The following ZBTB10 variants were observed in gnomAD, a reference collection of about 807,000 sequenced individuals.
The protein encoded by ZBTB10 is zinc finger and BTB domain-containing protein 10.
ZBTB10 carries 32 observed loss-of-function variants against 76.4 expected under a neutral mutation model. The ratio of observed to expected loss-of-function variants is 0.42; its 90% confidence interval spans 0.32 to 0.56. The LOEUF is 0.56. Ranked by LOEUF, ZBTB10 falls within the 20% of genes least tolerant of loss-of-function variation. ZBTB10 has a pLI of 0.14. For missense variants in ZBTB10, 1,057 were observed against 1,098.5 expected (o/e 0.96, Z 0.53); for synonymous variants, 523 against 432.9 (o/e 1.21, Z -2.58).
chr8:80,495,463 C>A (rs1815759313), intron 1 of ZBTB10, among the ~76,000 whole-genome samples: 1 of 151,158 alleles, frequency 6.6e-6, no homozygotes. Context: ...TGCTCATCCA[C>A]CCATCCCACT....
intron 2 of ZBTB10, among the ~76,000 whole-genome samples, chr8:80,505,356 T>C (rs272617): frequency 0.45 from 67,897 of 152,042 alleles, 19,605 homozygotes; most frequent in African/African-American, 0.83. Flanking sequence ...ACAGTTTCCT[T>C]AGATGTTTTC....
intron 2 of ZBTB10, among the ~76,000 whole-genome samples, chr8:80,502,738 TAAAAA>T (rs33919475): frequency 2.1e-5 from 3 of 145,084 alleles, no homozygotes; most frequent in Non-Finnish European, 4.6e-5. Flanking sequence ...GCTAAAACAG[TAAAAA>T]AAAAAAAGAC....
chr8:80,519,684 AT>A lies in ZBTB10; in HGVS notation c.*165del, dbSNP rs1038774465. 148 of 785,326 alleles carry A rather than the reference AT, an allele frequency of 1.9e-4. No homozygotes were observed. Among genetic ancestry groups the A allele is most frequent in the Middle Eastern group, 3.0e-4 (1 of 3,356 alleles). 48.6% of individuals were successfully genotyped at this position (785,326 alleles called of 1,614,324 possible). On this transcript the variant is annotated 3_prime_UTR_variant, in exon 6 of 6. Transcript: ENST00000455036. ...GGGTCAAAGCCTTATAGCAAAAAAA[AT>A]TTTTTTTTATATTTGCACAGGACTA...
intron 1 of ZBTB10, among the ~76,000 whole-genome samples, chr8:80,495,147 T>A (rs1275640028): frequency 6.6e-6 from 1 of 151,616 alleles, no homozygotes; most frequent in Non-Finnish European, 1.5e-5. Flanking sequence ...TTTTTTTTTT[T>A]TTTAAGGAGA....
intron 1 of ZBTB10, 51 bp downstream of exon 1, chr8:80,487,833 A>G: frequency 4.6e-6 from 7 of 1,507,590 alleles, no homozygotes; most frequent in Non-Finnish European, 5.3e-6. Flanking sequence ...GGAAAGGTTT[A>G]TCAGCACTCC....
chr8:80,492,634 A>G (rs1278507108), intron 1 of ZBTB10, among the ~76,000 whole-genome samples: 2 of 151,950 alleles, frequency 1.3e-5, no homozygotes, highest in African/African-American at 4.8e-5. Flanking sequence ...ACATGCCACC[A>G]TGCTAGGCTA....
rs372130919 is a variant in ZBTB10 at position 80,522,797 on chromosome 8, G to C, written c.*3269G>C. On this transcript the variant is annotated 3_prime_UTR_variant, in exon 6 of 6. Coordinates refer to ENST00000455036, the MANE Select transcript of ZBTB10 (RefSeq NM_001105539.3). ...AATAAGAAAAGATGGGGGAAAGGAA[G>C]GAGAAAATAGGAAATGAAAGGATTA... is the stretch of plus-strand genomic sequence containing the variant. The C allele has an allele frequency of 6.6e-6, 1 of 151,710 alleles. No individual in the cohort carries two copies. The highest frequency in any genetic ancestry group is 3.4e-3 in the Middle Eastern group (1 of 294). The allele number at this position is 151,710 out of a possible 1,614,324, so 9.4% of individuals were successfully genotyped here. A position where few individuals can be genotyped will look rare whatever the true frequency, so the allele number is the denominator to read the frequency against.
In ZBTB10 at chr8:80,517,903, T is replaced by C. The variant is rs927945464; in HGVS notation, c.1961-500T>C. On this transcript the variant is annotated intron_variant, in intron 3 of 5. Coordinates refer to ENST00000455036, the MANE Select transcript of ZBTB10 (RefSeq NM_001105539.3). ...TTTTTTTTTTTTTTTTTTTGAGACA[T>C]GATCCCACTGTGTCGCCCTGGCTGG... 3.3e-5 allele frequency among the ~76,000 whole-genome samples: 4 copies of C among 120,398 alleles called. No individual in the cohort carries two copies. In the South Asian group the frequency reaches 1.1e-3, roughly 35 times the overall value. The allele number at this position is 120,398 out of a possible 152,430, so 79.0% of individuals were successfully genotyped here.
At chr8:80,491,083 G>A (rs916208743) in intron 1 of ZBTB10, among the ~76,000 whole-genome samples, 2 of 152,158 alleles carry the variant, frequency 1.3e-5, no homozygotes, top group Non-Finnish European at 2.9e-5. Context: ...ATCTACAGCA[G>A]TGTATGGTAA....
Position 80,519,555 on chromosome 8 carries a change from C to T in ZBTB10, c.*27C>T. 1 of 1,573,948 alleles carries T rather than the reference C, an allele frequency of 6.4e-7. No individual in the cohort carries two copies. Among genetic ancestry groups the T allele is most frequent in the East Asian group, 2.3e-5 (1 of 44,064 alleles). ...TGACCTACTATACTCCTCAAGGATG[C>T]TGCATTTGGACCTAATATGAATCGA... On this transcript the variant is annotated 3_prime_UTR_variant, in exon 6 of 6. Coordinates refer to ENST00000455036, the MANE Select transcript of ZBTB10 (RefSeq NM_001105539.3).
At position 80,487,312 on chromosome 8, in the gene ZBTB10, C is replaced by G; in HGVS notation, c.502C>G (p.Leu168Val). 1 of 1,544,100 alleles carries G rather than the reference C, an allele frequency of 6.5e-7. No individual in the cohort carries two copies. Among genetic ancestry groups the G allele is most frequent in the Non-Finnish European group, 8.7e-7 (1 of 1,143,456 alleles). Residue 168 changes from leucine (L) to valine (V), a missense_variant, in exon 1 of 6, where the codon CTG becomes GTG. Coordinates refer to ENST00000455036, the MANE Select transcript of ZBTB10 (RefSeq NM_001105539.3). ...GACTGTGGATCTGGAGCTGGACGCG[C>G]TGGAGGGGAAGGAGTTGATGCAGGA... ...PATVDLELDA[L>V]EGKELMQDGA...
chr8:80,510,228 G>T (rs1002268152), intron 2 of ZBTB10, among the ~76,000 whole-genome samples: 2 of 152,194 alleles, frequency 1.3e-5, no homozygotes. Context: ...TCAAGTATCA[G>T]TAGCAAAGTA....
chr8:80,519,173 T>G (rs1200601299), intron 5 of ZBTB10, 50 bp from the exon 6 acceptor site: 12 of 1,545,034 alleles, frequency 7.8e-6, no homozygotes, highest in Non-Finnish European at 1.0e-5. Context: ...TTCAAATGCA[T>G]TCTATTATAT....
intron 2 of ZBTB10, among the ~76,000 whole-genome samples, chr8:80,510,368 C>T (rs912606347): frequency 2.0e-5 from 3 of 152,188 alleles, no homozygotes; most frequent in African/African-American, 7.2e-5. Flanking sequence ...AATACAGTTA[C>T]TAAATAGTGC....
chr8:80,521,626 TA>T lies in ZBTB10; in HGVS notation c.*2100del, dbSNP rs1362276618. On this transcript the variant is annotated 3_prime_UTR_variant, in exon 6 of 6. Coordinates refer to ENST00000455036, the MANE Select transcript of ZBTB10 (RefSeq NM_001105539.3). Reference sequence around the variant, plus strand: ...GAAACTGGACTTGGCTTTACATTCTTAATGTACTTTTACTTTTCCTCAAGAT... The same window carrying T: ...GAAACTGGACTTGGCTTTACATTCTTATGTACTTTTACTTTTCCTCAAGAT... 6.6e-6 allele frequency: 1 copy of T among 151,838 alleles called. No individual in the cohort carries two copies. The highest frequency in any genetic ancestry group is 6.6e-5 in the Admixed American group (1 of 15,228). 9.4% of individuals were successfully genotyped at this position (151,838 alleles called of 1,614,324 possible).
At chr8:80,513,879 G>A in intron 2 of ZBTB10, 31 bp from the exon 3 acceptor site, 1 of 1,588,282 alleles carries the variant, frequency 6.3e-7, no homozygotes, top group Non-Finnish European at 8.6e-7. Flanking sequence ...GGTGTGGTTT[G>A]TAGATAAATT....
chr8:80,517,070 T>C (rs2131516734), intron 3 of ZBTB10, among the ~76,000 whole-genome samples: 2 of 152,272 alleles, frequency 1.3e-5, no homozygotes, highest in African/African-American at 4.8e-5. Context: ...AAAGGGTGGT[T>C]GGAAGCCAGG....
chr8:80,511,539 G>A (rs1267011349), intron 2 of ZBTB10, among the ~76,000 whole-genome samples: 1 of 152,194 alleles, frequency 6.6e-6, no homozygotes, highest in Non-Finnish European at 1.5e-5. Context: ...CCAGGCTGTA[G>A]TATAGTGGTG....
At chr8:80,514,396 T>A (rs1816276719) in intron 3 of ZBTB10, among the ~76,000 whole-genome samples, 1 of 152,196 alleles carries the variant, frequency 6.6e-6, no homozygotes, top group African/African-American at 2.4e-5. Flanking sequence ...TAGTTCTGTG[T>A]GATGTCAGCA....
Sources: gnomAD v4.1 joint callset for allele counts (sites outside exome capture counted in the v4.1 genomes callset) on GRCh38, gnomAD v4.1.1 for gene constraint, MANE v1.5 for transcripts, NCBI Gene and HGNC (gene_info 2026-07-23, HGNC 2026-07-21) for gene names.